Variants in REV3L observed in about 807,000 individuals in gnomAD.
The protein encoded by REV3L is REV3 like, DNA directed polymerase zeta catalytic subunit.
In REV3L, 69 loss-of-function variants were observed where a neutral mutation model predicts 299.4. That is an observed-to-expected ratio of 0.23 (90% CI 0.19 to 0.28). The LOEUF (loss-of-function observed/expected upper bound fraction) is 0.28. REV3L is among the 10% of genes least tolerant of loss of function. REV3L has a pLI of 1.00. For missense variants in REV3L, 3,128 were observed against 3,693.8 expected, an observed-to-expected ratio of 0.85 and a Z score of 3.97; for synonymous variants, 1,238 against 1,271.4, an observed-to-expected ratio of 0.97 and a Z score of 0.56.
At chr6:111,480,847 T>C (rs937827980) in intron 1 of REV3L, among the ~76,000 whole-genome samples, 16 of 150,464 alleles carry the variant, frequency 1.1e-4, no homozygotes, top group Non-Finnish European at 1.9e-4. Context: ...TGTTTTTTTT[T>C]TTTTTTTTAA....
At chr6:111,429,866 T>C (rs958963761) in intron 1 of REV3L, among the ~76,000 whole-genome samples, 20 of 151,968 alleles carry the variant, frequency 1.3e-4, no homozygotes, top group Non-Finnish European at 1.5e-5. Flanking sequence ...CAAACACCTC[T>C]ACCAGGAGTA....
chr6:111,344,441 A>G (rs1776828220), intron 20 of REV3L, among the ~76,000 whole-genome samples: 1 of 152,174 alleles, frequency 6.6e-6, no homozygotes, highest in African/African-American at 2.4e-5. Context: ...ATGGGATTCC[A>G]CAGATTTGAG....
chr6:111,362,989 A>G lies in REV3L; in HGVS notation c.6879+864T>C, dbSNP rs1442203923. Among the ~76,000 whole-genome samples, 5 of 152,344 alleles carry G rather than the reference A, an allele frequency of 3.3e-5. No homozygotes were observed. The South Asian group carries it at 1.0e-3, about 32-fold the overall frequency. ...GAAAACATACTCCAATTTCTATCTT[A>G]CTGCCAGTCAGATATGTGCTTTGAG... On this transcript the variant is annotated intron_variant, in intron 16 of 31. Coordinates refer to ENST00000368802, the MANE Select transcript of REV3L (RefSeq NM_001372078.1).
At chr6:111,318,849 G>A (rs1217950275) in intron 26 of REV3L, among the ~76,000 whole-genome samples, 1 of 152,038 alleles carries the variant, frequency 6.6e-6, no homozygotes, top group Non-Finnish European at 1.5e-5. Context: ...GAGCCACCGC[G>A]CCCGGCCGTA....
intron 1 of REV3L, among the ~76,000 whole-genome samples, chr6:111,437,436 A>C (rs1366001821): frequency 1.3e-5 from 2 of 151,990 alleles, no homozygotes; most frequent in African/African-American, 4.8e-5. Flanking sequence ...GATAAATGCT[A>C]TACTATATAT....
At chr6:111,433,919 T>C (rs1423554845) in intron 1 of REV3L, among the ~76,000 whole-genome samples, 1 of 152,220 alleles carries the variant, frequency 6.6e-6, no homozygotes, top group East Asian at 1.9e-4. Context: ...GTGAACATGA[T>C]ACATCAAATT....
intron 4 of REV3L, 97 bp downstream of exon 4, chr6:111,405,373 T>C (rs1783516908): frequency 4.4e-6 from 3 of 688,544 alleles, no homozygotes; most frequent in Non-Finnish European, 6.4e-6. Flanking sequence ...ACATTTATTT[T>C]CTAAATATAT....
intron 1 of REV3L, among the ~76,000 whole-genome samples, chr6:111,478,396 A>T (rs1223859432): frequency 6.6e-6 from 1 of 152,178 alleles, no homozygotes; most frequent in Non-Finnish European, 1.5e-5. Flanking sequence ...CCTACTTTAA[A>T]AAAAGTGACC....
chr6:111,452,152 T>C (rs764790789), intron 1 of REV3L, among the ~76,000 whole-genome samples: 15 of 151,242 alleles, frequency 9.9e-5, no homozygotes, highest in Non-Finnish European at 2.1e-4. Context: ...AAAACCACAA[T>C]GAGATATCAT....
intron 31 of REV3L, among the ~76,000 whole-genome samples, chr6:111,306,828 TTTTCC>T (rs1772365320): frequency 6.6e-6 from 1 of 152,252 alleles, no homozygotes; most frequent in Non-Finnish European, 1.5e-5. Context: ...CAATTGAGAC[TTTTCC>T]TTTCTTCTTT....
chr6:111,303,165 C>CTTTTTTTTTTTTTTTTTTTT (rs1189398273), intron 31 of REV3L, among the ~76,000 whole-genome samples: 1 of 92,342 alleles, frequency 1.1e-5, no homozygotes, highest in African/African-American at 3.9e-5. Context: ...TCTTTTCTTT[C>CTTTTTTTTTTTTTTTTTTTT]TTTTTTTTTT....
chr6:111,327,208 A>T (rs1435616493), intron 25 of REV3L, among the ~76,000 whole-genome samples: 1 of 152,226 alleles, frequency 6.6e-6, no homozygotes, highest in East Asian at 1.9e-4. Context: ...ACTAAAATAC[A>T]TTAATAAACA....
chr6:111,430,466 G>A (rs1786766762), intron 1 of REV3L: 1 of 1,544,168 alleles, frequency 6.5e-7, no homozygotes, highest in South Asian at 1.1e-5. Context: ...ATAAACCAGA[G>A]ACCATTTATT....
At chr6:111,418,741 A>G (rs1785018298) in intron 1 of REV3L, among the ~76,000 whole-genome samples, 1 of 152,114 alleles carries the variant, frequency 6.6e-6, no homozygotes, top group South Asian at 2.1e-4. Context: ...CTCAGTTTTT[A>G]TTTTTTATTA....
At chr6:111,480,578 T>TA (rs1348264741) in intron 1 of REV3L, among the ~76,000 whole-genome samples, 2 of 152,144 alleles carry the variant, frequency 1.3e-5, no homozygotes, top group East Asian at 1.9e-4. Context: ...ATGAAAAGTG[T>TA]AAACTCTAAA....
intron 17 of REV3L, among the ~76,000 whole-genome samples, 179 bp from the exon 18 acceptor site, chr6:111,357,304 A>G (rs969482678): frequency 2.0e-5 from 3 of 152,198 alleles, no homozygotes; most frequent in African/African-American, 7.2e-5. Context: ...AAAACTCTCA[A>G]AAGATTTTTT....
rs1166686740 is a variant in REV3L, at chr6:111,313,347, C to G, written c.8604+5G>C. 14 of 1,603,532 alleles carry G rather than the reference C, an allele frequency of 8.7e-6. No individual in the cohort carries two copies. Among genetic ancestry groups the G allele is most frequent in the Admixed American group, 1.7e-5 (1 of 57,556 alleles). On this transcript the variant is annotated splice_donor_5th_base_variant and intron_variant, in intron 28 of 31. Coordinates refer to ENST00000368802, the MANE Select transcript of REV3L (RefSeq NM_001372078.1). ...ACAGATGAAGACAAGATAGATAAACCTTACCTTAGAAACAGCAGGGCAGGA... is the reference window on the plus strand; with the variant it reads ...ACAGATGAAGACAAGATAGATAAACGTTACCTTAGAAACAGCAGGGCAGGA...
At chr6:111,465,900 A>G (rs1042446454) in intron 1 of REV3L, among the ~76,000 whole-genome samples, 1 of 152,154 alleles carries the variant, frequency 6.6e-6, no homozygotes, top group African/African-American at 2.4e-5. Flanking sequence ...TAATTTTGAC[A>G]CAGGACAAAA....
At chr6:111,396,339 T>C (rs1281830482) in intron 4 of REV3L, among the ~76,000 whole-genome samples, 1 of 151,936 alleles carries the variant, frequency 6.6e-6, no homozygotes, top group Non-Finnish European at 1.5e-5. Context: ...AGGATAAATT[T>C]CACTTGATCA....
Sources: gnomAD v4.1 joint callset for allele counts (sites outside exome capture counted in the v4.1 genomes callset) on GRCh38, gnomAD v4.1.1 for gene constraint, MANE v1.5 for transcripts, NCBI Gene and HGNC (gene_info 2026-07-23, HGNC 2026-07-21) for gene names.